Variants in SERGEF observed in about 807,000 individuals in gnomAD.
SERGEF encodes secretion-regulating guanine nucleotide exchange factor.
In SERGEF, 51 loss-of-function variants were observed where a neutral mutation model predicts 50.0. The ratio of observed to expected loss-of-function variants is 1.02; its 90% CI spans 0.81 to 1.29. SERGEF has a LOEUF of 1.29. Ranked by LOEUF, SERGEF falls within the 50% of genes most tolerant of loss-of-function variation. The pLI, the probability that SERGEF is intolerant of heterozygous loss-of-function variation, is 0.00. For missense variants in SERGEF, 521 were observed against 557.0 expected (o/e 0.94, Z 0.65); for synonymous variants, 205 against 212.4 (o/e 0.97, Z 0.30).
intron 10 of SERGEF, among the ~76,000 whole-genome samples, chr11:17,802,794 G>A (rs1245056795): frequency 6.6e-6 from 1 of 151,742 alleles, no homozygotes; most frequent in African/African-American, 2.4e-5. Context: ...CACTTTCTCA[G>A]AGGGCCTTCC....
chr11:17,890,815 C>T (rs1291425691), intron 9 of SERGEF, among the ~76,000 whole-genome samples: 1 of 152,044 alleles, frequency 6.6e-6, no homozygotes, highest in Admixed American at 6.6e-5. Context: ...ATAAGATGAA[C>T]CTGTAACATC....
rs1385689750 is a variant in SERGEF, at chr11:17,991,215, AAAG to A, written c.685+1713_685+1715del. Among the ~76,000 whole-genome samples, 1 of 152,194 alleles carries A rather than the reference AAAG, an allele frequency of 6.6e-6. No individual in the cohort carries two copies. The highest frequency in any genetic ancestry group is 1.5e-5 in the Non-Finnish European group (1 of 68,026). On this transcript the variant is annotated intron_variant, in intron 7 of 10. Transcript: ENST00000265965. The surrounding 1 kb of genome is among the most constrained non-coding windows in gnomAD (Gnocchi z 4.9). ...AAACTTAAGTTCTTTGTATACTTTA[AAAG>A]AAATTTAATTTCTTATATTTAAAAT...
chr11:17,890,767 G>C (rs752049709), intron 9 of SERGEF, among the ~76,000 whole-genome samples: 2 of 152,030 alleles, frequency 1.3e-5, no homozygotes, highest in African/African-American at 2.4e-5. Context: ...AATTATTCTT[G>C]GAGAAATGGC....
At chr11:18,008,516 G>T (rs946628511) in intron 1 of SERGEF, among the ~76,000 whole-genome samples, 1 of 151,742 alleles carries the variant, frequency 6.6e-6, no homozygotes, top group African/African-American at 2.4e-5. Flanking sequence ...AAGCAGCAAT[G>T]CTAGCCATGG....
intron 9 of SERGEF, among the ~76,000 whole-genome samples, chr11:17,943,806 AC>A (rs1852604187): frequency 6.6e-6 from 1 of 152,222 alleles, no homozygotes; most frequent in African/African-American, 2.4e-5. Flanking sequence ...GTAAATTCAA[AC>A]CTAGATAAAA....
intron 9 of SERGEF, among the ~76,000 whole-genome samples, chr11:17,951,487 C>T (rs759261082): frequency 5.3e-5 from 8 of 152,198 alleles, no homozygotes; most frequent in Admixed American, 3.3e-4. Context: ...CCAGCCAGCA[C>T]GAGTTTACTA....
intron 10 of SERGEF, among the ~76,000 whole-genome samples, chr11:17,839,205 A>G (rs1379930047): frequency 6.6e-6 from 1 of 152,148 alleles, no homozygotes; most frequent in Non-Finnish European, 1.5e-5. Flanking sequence ...GGTGTCAAGG[A>G]TTTTGCAGGC....
chr11:17,980,363 A>G (rs1209440641), intron 8 of SERGEF, among the ~76,000 whole-genome samples: 1 of 152,080 alleles, frequency 6.6e-6, no homozygotes, highest in African/African-American at 2.4e-5. Flanking sequence ...GCAACCTCCG[A>G]ATTGAGGCCC....
At position 17,959,652 on chromosome 11, in the gene SERGEF, A is replaced by AT; in HGVS notation, c.845-17dup. 6.2e-7 allele frequency: 1 copy of AT among 1,602,560 alleles called. No individual in the cohort carries two copies. Among genetic ancestry groups the AT allele is most frequent in the African/African-American group, 1.3e-5 (1 of 74,570 alleles). On this transcript the variant is annotated splice_polypyrimidine_tract_variant and intron_variant, in intron 8 of 10. Transcript: ENST00000265965. The stretch of plus-strand genomic sequence containing the variant: ...TTGCCAGTTTCTAAAAACAAATATT[A>AT]TTTGAATTAAGACTACATTCCACAG...
chr11:18,005,841 G>GA (rs1049700732), intron 3 of SERGEF, among the ~76,000 whole-genome samples: 42 of 149,252 alleles, frequency 2.8e-4, no homozygotes, highest in East Asian at 1.9e-3. Flanking sequence ...AACACATTTA[G>GA]AAAAAAAAAA....
At chr11:17,909,888 G>A (rs1225922191) in intron 9 of SERGEF, among the ~76,000 whole-genome samples, 1 of 152,202 alleles carries the variant, frequency 6.6e-6, no homozygotes, top group Non-Finnish European at 1.5e-5. Flanking sequence ...GACCAGGCTA[G>A]AGTTAGGGGA....
intron 9 of SERGEF, among the ~76,000 whole-genome samples, chr11:17,912,360 G>C (rs1851971081): frequency 6.6e-6 from 1 of 152,040 alleles, no homozygotes; most frequent in South Asian, 2.1e-4. Flanking sequence ...AAAAACACAG[G>C]GAATCTGAAT....
intron 4 of SERGEF, among the ~76,000 whole-genome samples, chr11:18,003,747 G>T (rs532583672): frequency 7.2e-5 from 11 of 152,304 alleles, no homozygotes; most frequent in Admixed American, 7.2e-4. Flanking sequence ...CTGATGACAT[G>T]CTGAAATAAC....
intron 10 of SERGEF, among the ~76,000 whole-genome samples, chr11:17,830,601 G>GGAGA (rs71962769): frequency 5.5e-5 from 5 of 90,872 alleles, no homozygotes; most frequent in East Asian, 8.7e-4. Flanking sequence ...GGAGAGAGGT[G>GGAGA]GAGAGAGAGA....
At chr11:17,933,644 T>G (rs537209449) in intron 9 of SERGEF, among the ~76,000 whole-genome samples, 1 of 152,236 alleles carries the variant, frequency 6.6e-6, no homozygotes, top group East Asian at 1.9e-4. Flanking sequence ...AGTATCTATA[T>G]TCCCTTAAGT....
At chr11:17,901,986 A>G (rs1342173418) in intron 9 of SERGEF, among the ~76,000 whole-genome samples, 2 of 152,238 alleles carry the variant, frequency 1.3e-5, no homozygotes, top group African/African-American at 4.8e-5. Flanking sequence ...TAAATAAGAT[A>G]CTAAATACAA....
chr11:17,841,154 G>T (rs544199860), intron 10 of SERGEF, among the ~76,000 whole-genome samples: 2 of 152,154 alleles, frequency 1.3e-5, no homozygotes, highest in Admixed American at 1.3e-4. Flanking sequence ...CTGACCCCCA[G>T]AGAGGCTGGA....
At chr11:17,942,213 G>A (rs1261876542) in intron 9 of SERGEF, among the ~76,000 whole-genome samples, 1 of 152,150 alleles carries the variant, frequency 6.6e-6, no homozygotes, top group Non-Finnish European at 1.5e-5. Flanking sequence ...GACCTGACAA[G>A]TTAACAACAT....
chr11:17,848,809 G>T (rs574529787), intron 10 of SERGEF, among the ~76,000 whole-genome samples: 29 of 152,310 alleles, frequency 1.9e-4, no homozygotes, highest in African/African-American at 6.3e-4. Flanking sequence ...AAATGAAAGT[G>T]AATGGACATC....
Sources: gnomAD v4.1 joint callset for allele counts (sites outside exome capture counted in the v4.1 genomes callset) on GRCh38, gnomAD v4.1.1 for gene constraint, Gnocchi (gnomAD v3.1) non-coding constraint, MANE v1.5 for transcripts, NCBI Gene and HGNC (gene_info 2026-07-23, HGNC 2026-07-21) for gene names.